Variants in CREB5 observed in about 807,000 individuals in gnomAD.
CREB5 encodes the protein cyclic AMP-responsive element-binding protein 5.
Under a neutral mutation model 57.1 loss-of-function variants are expected in CREB5, and 19 were observed. The ratio of observed to expected loss-of-function variants is 0.33; its 90% CI spans 0.23 to 0.49. The LOEUF (loss-of-function observed/expected upper bound fraction) is 0.49, where lower values mean the gene tolerates loss of function less well. CREB5 is among the 20% of genes least tolerant of loss of function. The pLI is 0.99. For synonymous variants in CREB5, 238 were observed against 238.3 expected, an observed-to-expected ratio of 1.00 and a Z score of 0.01; for missense variants, 579 against 671.6, an observed-to-expected ratio of 0.86 and a Z score of 1.52.
chr7:28,351,054 T>C (rs988931770), intron 1 of CREB5, among the ~76,000 whole-genome samples: 1 of 152,190 alleles, frequency 6.6e-6, no homozygotes, highest in African/African-American at 2.4e-5. Context: ...CTTTATGTAA[T>C]GATAGAAGTA....
chr7:28,445,645 A>G lies in CREB5; in HGVS notation c.3+32728A>G, dbSNP rs200473199. Among the ~76,000 whole-genome samples the G allele has an allele frequency of 2.4e-3, 365 of 151,530 alleles. 5 individuals carry two copies. In the East Asian group the frequency reaches 0.029, roughly 12 times the overall value. On this transcript the variant is annotated intron_variant, in intron 1 of 10. Transcript: ENST00000357727. ...CGGCTCACTGCAAGCTCCGCCTCCCAGGTTCACGCCATTCTCCTGCCTCAG... is the reference window on the plus strand; with the variant it reads ...CGGCTCACTGCAAGCTCCGCCTCCCGGGTTCACGCCATTCTCCTGCCTCAG...
chr7:28,639,157 C>G (rs981530546), intron 5 of CREB5, among the ~76,000 whole-genome samples: 1 of 152,170 alleles, frequency 6.6e-6, no homozygotes, highest in Admixed American at 6.5e-5. Context: ...ATTTCAGCCT[C>G]TCCTAATATT....
chr7:28,692,027 A>AAC (rs200574875), intron 5 of CREB5, among the ~76,000 whole-genome samples: 7,313 of 151,044 alleles, frequency 0.048, 241 homozygotes, highest in Middle Eastern at 0.076. Context: ...AAAAAAAAAA[A>AAC]AACAACAAAT....
chr7:28,427,677 C>A (rs1285494761), intron 1 of CREB5, among the ~76,000 whole-genome samples: 11 of 152,082 alleles, frequency 7.2e-5, no homozygotes, highest in African/African-American at 1.4e-4. Flanking sequence ...CAGAGACTGA[C>A]CTGCCTCCCA....
At chr7:28,458,218 A>G (rs1790200298) in intron 1 of CREB5, among the ~76,000 whole-genome samples, 2 of 152,234 alleles carry the variant, frequency 1.3e-5, no homozygotes, top group Admixed American at 6.5e-5. Flanking sequence ...ATGCCTGACC[A>G]TATAGTACTC....
At chr7:28,547,680 C>T (rs560034916) in intron 4 of CREB5, among the ~76,000 whole-genome samples, 23 of 152,336 alleles carry the variant, frequency 1.5e-4, no homozygotes, top group African/African-American at 5.1e-4. Context: ...TAAGTTGGCT[C>T]ATAAAATTAA....
intron 1 of CREB5, among the ~76,000 whole-genome samples, chr7:28,418,490 C>T (rs1165500240): frequency 1.3e-5 from 2 of 152,148 alleles, no homozygotes. Flanking sequence ...GCCTCTGCAT[C>T]CCCAAATTCA....
intron 1 of CREB5, among the ~76,000 whole-genome samples, chr7:28,446,504 A>G (rs1789475445): frequency 6.6e-6 from 1 of 152,160 alleles, no homozygotes; most frequent in Non-Finnish European, 1.5e-5. Flanking sequence ...TAAAATAATA[A>G]TTGTAGGTCC....
chr7:28,779,760 C>A (rs866028745), intron 7 of CREB5, among the ~76,000 whole-genome samples: 3 of 152,088 alleles, frequency 2.0e-5, no homozygotes, highest in Non-Finnish European at 4.4e-5. Context: ...CTCTCAAACC[C>A]GTCCATATAA....
At chr7:28,377,304 G>C (rs986620294) in intron 1 of CREB5, among the ~76,000 whole-genome samples, 5 of 151,982 alleles carry the variant, frequency 3.3e-5, no homozygotes, top group Non-Finnish European at 7.4e-5. Flanking sequence ...ATACACACAA[G>C]ATTTCAAAAA....
At chr7:28,699,816 C>T (rs144203996) in intron 5 of CREB5, among the ~76,000 whole-genome samples, 291 of 152,114 alleles carry the variant, frequency 1.9e-3, no homozygotes, top group Non-Finnish European at 1.0e-3. Context: ...TGAAAAATAC[C>T]GAGTCCCCTG....
chr7:28,518,615 C>T (rs543380532), intron 4 of CREB5, among the ~76,000 whole-genome samples: 2 of 152,316 alleles, frequency 1.3e-5, no homozygotes, highest in East Asian at 1.9e-4. Flanking sequence ...ATGTGGTGGG[C>T]ATGCGAGTCC....
intron 5 of CREB5, among the ~76,000 whole-genome samples, chr7:28,709,429 T>C (rs6972081): frequency 0.63 from 96,198 of 152,012 alleles, 30,942 homozygotes; most frequent in Admixed American, 0.7. Context: ...AGATTAATGG[T>C]GCAGAAATCA....
In CREB5 at chr7:28,432,645, G is replaced by C. The variant is rs1213766607; in HGVS notation, c.3+19728G>C. Among the ~76,000 whole-genome samples the C allele has an allele frequency of 2.6e-5, 4 of 152,174 alleles. No individual in the cohort carries two copies. The East Asian group carries it at 7.7e-4, about 29-fold the overall frequency. On this transcript the variant is annotated intron_variant, in intron 1 of 10. Transcript: ENST00000357727. ...ATTCTAATCCTAAAATCTTTCTAGT[G>C]TGTTCCTGTCCGAGTCAGAAAGGAA...
intron 1 of CREB5, among the ~76,000 whole-genome samples, chr7:28,420,445 G>A (rs1788196983): frequency 1.3e-5 from 2 of 152,078 alleles, no homozygotes; most frequent in African/African-American, 4.8e-5. Flanking sequence ...AAAAACATAG[G>A]GGGTTCTGGA....
intron 7 of CREB5, among the ~76,000 whole-genome samples, chr7:28,748,064 T>C (rs1016469134): frequency 2.0e-5 from 3 of 152,230 alleles, no homozygotes; most frequent in African/African-American, 7.2e-5. Flanking sequence ...CAGATTTTGC[T>C]TTGTTACCTG....
intron 3 of CREB5, among the ~76,000 whole-genome samples, chr7:28,497,088 A>G (rs1035142779): frequency 1.3e-5 from 2 of 152,200 alleles, no homozygotes; most frequent in African/African-American, 4.8e-5. Flanking sequence ...GGATCCCTCA[A>G]ATAAGCTGCC....
intron 1 of CREB5, among the ~76,000 whole-genome samples, chr7:28,354,692 C>A (rs540507825): frequency 1.6e-4 from 24 of 152,302 alleles, no homozygotes; most frequent in African/African-American, 5.3e-4. Flanking sequence ...ACTCATCAAC[C>A]CTTCCCTCCT....
Position 28,437,050 on chromosome 7 carries a change from C to T in CREB5, c.3+24133C>T, listed in dbSNP as rs561839935. ...CAATTCAGTCATGATTTTGTCTCCA[C>T]TTTGACTGCATCCCTTAGAGAACTC... On this transcript the variant is annotated intron_variant, in intron 1 of 10. Transcript: ENST00000357727. 4.6e-5 allele frequency among the ~76,000 whole-genome samples: 7 copies of T among 152,282 alleles called. No individual in the cohort carries two copies. In the South Asian group the frequency reaches 1.5e-3, roughly 32 times the overall value.
Sources: allele counts gnomAD v4.1 joint callset (sites outside exome capture counted in the v4.1 genomes callset), GRCh38; gene constraint gnomAD v4.1.1; transcripts MANE v1.5; gene names NCBI Gene and HGNC (gene_info 2026-07-23, HGNC 2026-07-21).